The following MOV10L1 variants were observed in gnomAD, a reference collection of about 807,000 sequenced individuals.
MOV10L1 encodes RNA helicase Mov10l1.
A neutral mutation model predicts 143.8 loss-of-function variants in MOV10L1; 110 were observed. That is an observed-to-expected ratio of 0.76 (90% confidence interval 0.66 to 0.90). The LOEUF (loss-of-function observed/expected upper bound fraction) is 0.90. MOV10L1 is among the 40% of genes least tolerant of loss of function. The pLI is 0.00. For missense variants in MOV10L1, 1,406 were observed against 1,526.8 expected (o/e 0.92, Z 1.32); for synonymous variants, 593 against 581.1 (o/e 1.02, Z -0.29).
At chr22:50,160,097 CCCGCAGGAGAG>C in intron 24 of MOV10L1, among the ~76,000 whole-genome samples, 1 of 152,062 alleles carries the variant, frequency 6.6e-6, no homozygotes. Context: ...AGGGCAGGTA[CCCGCAGGAGAG>C]CCCCTAAGAC....
intron 22 of MOV10L1, among the ~76,000 whole-genome samples, chr22:50,155,202 A>G (rs1031373420): frequency 1.3e-5 from 2 of 151,792 alleles, no homozygotes; most frequent in East Asian, 1.9e-4. Context: ...TTTAACAACA[A>G]CAGCAAAATT....
At chr22:50,090,583 A>T in intron 1 of MOV10L1, 2 of 1,539,826 alleles carry the variant, frequency 1.3e-6, no homozygotes, top group South Asian at 2.4e-5. Context: ...CGCTGCGCCA[A>T]GGCGTGCCAT....
In MOV10L1 at chr22:50,129,993, G is replaced by C. The variant is rs72490261; in HGVS notation, c.1910+1486G>C. Among the ~76,000 whole-genome samples, 126 of 152,240 alleles carry C rather than the reference G, an allele frequency of 8.3e-4. No homozygotes were observed. In the East Asian group the frequency reaches 0.011, roughly 14 times the overall value. On this transcript the variant is annotated intron_variant, in intron 13 of 26. Coordinates refer to ENST00000262794, the MANE Select transcript of MOV10L1 (RefSeq NM_018995.3). ...TCCTTATCTTTTAGCTTTTTAAAAA[G>C]TATCTTTTGAGGCTGGGTGTGATGT...
rs116251293 is a variant in MOV10L1, at chr22:50,146,707, G to A, written c.2627+897G>A. On this transcript the variant is annotated intron_variant, in intron 19 of 26. Transcript: ENST00000262794. ...GACAGTGTCCAGCGTCACGGTGGTC[G>A]TGAGGGTGACCACAGGAGGTGGTCC... Among the ~76,000 whole-genome samples, 1,179 of 152,132 alleles carry A rather than the reference G, an allele frequency of 7.7e-3. 13 individuals carry two copies. The highest frequency in any genetic ancestry group is 0.027 in the African/African-American group (1,114 of 41,506).
chr22:50,129,389 A>C (rs1947586622), intron 13 of MOV10L1, among the ~76,000 whole-genome samples: 1 of 152,216 alleles, frequency 6.6e-6, no homozygotes, highest in African/African-American at 2.4e-5. Flanking sequence ...AACTTTAGAA[A>C]AGGAGTAACT....
At chr22:50,143,529 T>C (rs1265520052) in intron 17 of MOV10L1, among the ~76,000 whole-genome samples, 1 of 152,234 alleles carries the variant, frequency 6.6e-6, no homozygotes, top group Admixed American at 6.5e-5. Flanking sequence ...GTTTTAGATA[T>C]CTTCATTTGT....
rs200966266 is a variant in MOV10L1 at position 50,108,115 on chromosome 22, C to T, written c.443-21C>T. ...CTTGTGCACTTTAACACTACCATGG[C>T]TTTTTTCCTGGCGGTTTTAGGCTTC... On this transcript the variant is annotated intron_variant, in intron 3 of 26. Coordinates refer to ENST00000262794, the MANE Select transcript of MOV10L1 (RefSeq NM_018995.3). 4.4e-6 allele frequency: 7 copies of T among 1,608,940 alleles called. 1 individual carries two copies. Among genetic ancestry groups the T allele is most frequent in the Non-Finnish European group, 8.5e-7 (1 of 1,175,506 alleles).
rs772536259 is a variant in MOV10L1 at position 50,140,296 on chromosome 22, A to T, written c.2071-1785A>T. 4.6e-4 allele frequency among the ~76,000 whole-genome samples: 70 copies of T among 152,198 alleles called. 1 individual carries two copies. Among genetic ancestry groups the T allele is most frequent in the Admixed American group, 8.5e-4 (13 of 15,284 alleles). On this transcript the variant is annotated intron_variant, in intron 15 of 26. Coordinates refer to ENST00000262794, the MANE Select transcript of MOV10L1 (RefSeq NM_018995.3). ...CGGCACAAGGCGGCTCTGGGGACTG[A>T]CAGGTCTATTTGTCATCTTGATTGT...
intron 9 of MOV10L1, among the ~76,000 whole-genome samples, chr22:50,119,317 CCCACGCGGG>C (rs1442431623): frequency 3.9e-5 from 6 of 152,162 alleles, no homozygotes; most frequent in Non-Finnish European, 1.5e-5. Flanking sequence ...TCTGGACCTG[CCCACGCGGG>C]CATTGGCGGG....
At chr22:50,137,933 CAT>C (rs2147312441) in intron 15 of MOV10L1, among the ~76,000 whole-genome samples, 1 of 150,642 alleles carries the variant, frequency 6.6e-6, no homozygotes, top group Non-Finnish European at 1.5e-5. Context: ...GTATATGACA[CAT>C]GTATATGAGA....
At chr22:50,114,068 G>A (rs1003975761) in intron 6 of MOV10L1, among the ~76,000 whole-genome samples, 1 of 151,588 alleles carries the variant, frequency 6.6e-6, no homozygotes, top group Non-Finnish European at 1.5e-5. Flanking sequence ...ACAGGCGCCC[G>A]CCACCACGCC....
chr22:50,111,486 CTTTTTTTTTTTTTT>C (rs529438045), intron 5 of MOV10L1, among the ~76,000 whole-genome samples: 2,539 of 59,154 alleles, frequency 0.043, 68 homozygotes, highest in South Asian at 0.14. Flanking sequence ...TCTGTCTTTG[CTTTTTTTTTTTTTT>C]TTTTTTTTTT....
At chr22:50,138,306 G>T (rs537669680) in intron 15 of MOV10L1, among the ~76,000 whole-genome samples, 16 of 152,138 alleles carry the variant, frequency 1.1e-4, no homozygotes, top group Non-Finnish European at 2.1e-4. Flanking sequence ...GTGGTGACTC[G>T]TGCCGGTAAT....
At chr22:50,091,959 T>A (rs775269240) in intron 1 of MOV10L1, 42 bp from the exon 2 acceptor site, 6 of 1,588,866 alleles carry the variant, frequency 3.8e-6, no homozygotes, top group Non-Finnish European at 5.2e-6. Context: ...AGCGTACGCT[T>A]GCTTTTATGG....
chr22:50,125,493 C>T lies in MOV10L1; in HGVS notation c.1671C>T (p.Ile557=), dbSNP rs779244330. The T allele has an allele frequency of 6.2e-6, 10 of 1,614,168 alleles. No individual in the cohort carries two copies. In the East Asian group the frequency reaches 2.2e-4, roughly 36 times the overall value. The change falls in exon 11 of 27, where the codon ATC becomes ATT. Residue 557 remains isoleucine, a synonymous_variant. Coordinates refer to ENST00000262794, the MANE Select transcript of MOV10L1 (RefSeq NM_018995.3). ...TGAAAGAGTATAACATGAGCGGGAT[C>T]ATCTTAAGAAGGAATGGGGATCTGC... ...MELKEYNMSG[I]ILRRNGDLLV...
intron 5 of MOV10L1, among the ~76,000 whole-genome samples, chr22:50,112,939 A>G (rs1200843726): frequency 1.3e-5 from 2 of 152,214 alleles, no homozygotes; most frequent in Admixed American, 1.3e-4. Context: ...GGCACCCGCC[A>G]GGAGGGGCTG....
At chr22:50,120,082 A>G (rs2062296551) in intron 9 of MOV10L1, among the ~76,000 whole-genome samples, 1 of 152,226 alleles carries the variant, frequency 6.6e-6, no homozygotes, top group Admixed American at 6.5e-5. Flanking sequence ...AATCGAAGGC[A>G]GGACCCAGAC....
intron 10 of MOV10L1, 40 bp downstream of exon 10, chr22:50,120,656 C>G (rs1450771555): frequency 7.3e-7 from 1 of 1,376,472 alleles, no homozygotes; most frequent in Admixed American, 1.9e-5. Context: ...TTGGCATCTT[C>G]TAATGCTCTT....
At chr22:50,137,334 A>G (rs1042338602) in intron 15 of MOV10L1, among the ~76,000 whole-genome samples, 1 of 152,246 alleles carries the variant, frequency 6.6e-6, no homozygotes, top group Non-Finnish European at 1.5e-5. Flanking sequence ...AGACAATTTT[A>G]TCTTCTAGGA....
Sources: allele counts gnomAD v4.1 joint callset (sites outside exome capture counted in the v4.1 genomes callset), GRCh38; gene constraint gnomAD v4.1.1; transcripts MANE v1.5; gene names NCBI Gene and HGNC (gene_info 2026-07-23, HGNC 2026-07-21).